The following SHC2 variants were observed in gnomAD, a reference collection of about 807,000 sequenced individuals.
SHC2 encodes the protein SHC adaptor protein 2.
Under a neutral mutation model 60.6 loss-of-function variants are expected in SHC2, and 62 were observed. The ratio of observed to expected loss-of-function variants is 1.02; its 90% CI spans 0.83 to 1.26. The LOEUF is 1.26. Among genes scored for constraint, SHC2 ranks in the 50% most tolerant of loss-of-function variants. SHC2 has a pLI of 0.00. For synonymous variants in SHC2, 375 were observed against 372.4 expected (o/e 1.01, Z -0.08); for missense variants, 873 against 822.2 (o/e 1.06, Z -0.76).
At chr19:458,969 T>A (rs569097205) in intron 1 of SHC2, among the ~76,000 whole-genome samples, 1 of 152,024 alleles carries the variant, frequency 6.6e-6, no homozygotes, top group Admixed American at 6.5e-5. Context: ...CAGGCTTTGG[T>A]GGGCCCGGGC....
In SHC2 at chr19:418,895, CCAGCGACCCACGGCGG is replaced by C; in HGVS notation, c.*5+12_*5+27del. On this transcript the variant is annotated intron_variant, in intron 12 of 12. Transcript: ENST00000264554. ...AAAGAATCTGGCAAAGGAGGCAAGG[CCAGCGACCCACGGCGG>C]CAGCCACACACCTGGCTCAGGGCTC... The C allele has an allele frequency of 6.4e-7, 1 of 1,570,612 alleles. No individual in the cohort carries two copies. The highest frequency in any genetic ancestry group is 8.7e-7 in the Non-Finnish European group (1 of 1,154,300).
At chr19:457,711 CCTGGCGT>C (rs1975383905) in intron 1 of SHC2, among the ~76,000 whole-genome samples, 1 of 152,238 alleles carries the variant, frequency 6.6e-6, no homozygotes, top group Admixed American at 6.5e-5. Flanking sequence ...CCCCAACAAC[CCTGGCGT>C]CTGAATTCTG....
At position 422,513 on chromosome 19, in the gene SHC2, G is replaced by T. The variant is rs1232434981; in HGVS notation, c.1310-57C>A. On this transcript the variant is annotated intron_variant, in intron 10 of 12. Transcript: ENST00000264554. The surrounding 1 kb of genome is among the most constrained non-coding windows in gnomAD (Gnocchi z 5.0). The stretch of plus-strand genomic sequence containing the variant: ...CAGGGGGCAAGCAGCTACTCCTGCC[G>T]GGACCAGAGCTGGGAGAAACGGGTT... 17 of 1,400,074 alleles carry T rather than the reference G, an allele frequency of 1.2e-5. No individual in the cohort carries two copies. The East Asian group carries it at 4.3e-4, about 35-fold the overall frequency. 86.7% of individuals were successfully genotyped at this position (1,400,074 alleles called of 1,614,324 possible).
chr19:444,958 C>T lies in SHC2; in HGVS notation c.469-4026G>A, dbSNP rs374491283. Among the ~76,000 whole-genome samples the T allele has an allele frequency of 9.8e-5, 15 of 152,358 alleles. No individual in the cohort carries two copies. The South Asian group carries it at 1.2e-3, about 13-fold the overall frequency. On this transcript the variant is annotated intron_variant, in intron 1 of 12. Transcript: ENST00000264554. ...GACTGACCTCCTGGGCCACACGGCC[C>T]GCAGAGCTGGGTCCTGAACCCACAC... is the stretch of plus-strand genomic sequence containing the variant.
intron 11 of SHC2, 109 bp from the exon 12 acceptor site, chr19:419,165 G>C: frequency 7.8e-7 from 1 of 1,280,842 alleles, no homozygotes; most frequent in African/African-American, 1.5e-5. Flanking sequence ...TGCCTGCATG[G>C]ACGAGGGGCC....
chr19:426,739 C>A (rs1283821176), intron 9 of SHC2, among the ~76,000 whole-genome samples: 2 of 3,192 alleles, frequency 6.3e-4, no homozygotes, highest in Non-Finnish European at 1.2e-3. Flanking sequence ...GGGAGGACGA[C>A]ACCGAGAGGG....
rs760070481 is a variant in SHC2 at position 419,036 on chromosome 19, C to T, written c.1641G>A (p.Leu547=). The change falls in exon 12 of 13, where the codon CTG becomes CTA. Residue 547 remains leucine, a synonymous_variant. Transcript: ENST00000264554. ...PEGVVRTKDV[L]FESISHLIDH... ...CGATCAGGTGGCTGATGCTCTCAAA[C>T]AGCACGTCCTTCGTCCGTACCTGCG... The T allele has an allele frequency of 1.3e-5, 20 of 1,586,388 alleles. No homozygotes were observed. Among genetic ancestry groups the T allele is most frequent in the Non-Finnish European group, 1.7e-5 (20 of 1,166,618 alleles).
chr19:429,431 G>A (rs929748582), intron 9 of SHC2, among the ~76,000 whole-genome samples: 5 of 148,282 alleles, frequency 3.4e-5, no homozygotes, highest in Non-Finnish European at 7.4e-5. Context: ...CCGTGTGGAT[G>A]ACACAGTATC....
intron 9 of SHC2, among the ~76,000 whole-genome samples, chr19:427,564 GCGCA>G: frequency 7.1e-6 from 1 of 139,972 alleles, no homozygotes; most frequent in African/African-American, 2.7e-5. Context: ...AAGGGGAATT[GCGCA>G]CGGCACAGGG....
rs141202780 is a variant in SHC2 at position 452,186 on chromosome 19, C to T, written c.468+8343G>A. On this transcript the variant is annotated intron_variant, in intron 1 of 12. Transcript: ENST00000264554. ...CGTACTGACTTGGGGGGAATTCCTG[C>T]GTAGGTGTGCGTTTCTCCATTTCAT... 4.8e-3 allele frequency among the ~76,000 whole-genome samples: 725 copies of T among 150,746 alleles called. 4 individuals carry two copies. Among genetic ancestry groups the T allele is most frequent in the Non-Finnish European group, 7.5e-3 (509 of 67,780 alleles).
chr19:441,755 T>C lies in SHC2; in HGVS notation c.469-823A>G, dbSNP rs573526328. Among the ~76,000 whole-genome samples the C allele has an allele frequency of 1.4e-4, 22 of 152,386 alleles. No homozygotes were observed. The highest frequency in any genetic ancestry group is 4.8e-4 in the African/African-American group (20 of 41,590). On this transcript the variant is annotated intron_variant, in intron 1 of 12. Coordinates refer to ENST00000264554, the MANE Select transcript of SHC2 (RefSeq NM_012435.3). This position sits in a 1 kb window ranked among gnomAD's most constrained non-coding sequence, Gnocchi z 4.9. ...CAGAAGGGGTGGTGGCACGATATTA[T>C]GAATGTACGAAATGCTACTGAACTG...
intron 9 of SHC2, among the ~76,000 whole-genome samples, chr19:429,940 A>G (rs910512046): frequency 1.3e-5 from 2 of 148,294 alleles, no homozygotes; most frequent in African/African-American, 5.0e-5. Flanking sequence ...TCTACACCCA[A>G]CGTGCACAGA....
chr19:434,778 C>T lies in SHC2; in HGVS notation c.1041G>A (p.Pro347=), dbSNP rs755755739. The change falls in exon 8 of 13, where the codon CCG becomes CCA. Residue 347 remains proline, a synonymous_variant. Transcript: ENST00000264554. ...TGGAGTCCACTAGCCCGCCCAGCGG[C>T]GGCTCCTTCCCCGGGATGCTGTTGT... ...NYYNSIPGKE[P]PLGGLVDSRL... is the part of the protein sequence containing the mutation. 2.4e-5 allele frequency: 39 copies of T among 1,612,852 alleles called. No homozygotes were observed. The highest frequency in any genetic ancestry group is 6.7e-5 in the Admixed American group (4 of 60,000).
chr19:428,063 C>T lies in SHC2; in HGVS notation c.1174+2621G>A, dbSNP rs539581823. Among the ~76,000 whole-genome samples the T allele has an allele frequency of 3.3e-5, 5 of 152,272 alleles. No individual in the cohort carries two copies. The South Asian group carries it at 8.3e-4, about 25-fold the overall frequency. ...GGGAAACAGTGAGACCTCACCTCCA[C>T]ACAATTTAAAAATGTGCTGGGTGCA... On this transcript the variant is annotated intron_variant, in intron 9 of 12. Coordinates refer to ENST00000264554, the MANE Select transcript of SHC2 (RefSeq NM_012435.3).
At chr19:457,553 G>C (rs1032871697) in intron 1 of SHC2, among the ~76,000 whole-genome samples, 1 of 152,066 alleles carries the variant, frequency 6.6e-6, no homozygotes, top group African/African-American at 2.4e-5. Context: ...TCTTCTGATT[G>C]ACTGTCTCTC....
intron 1 of SHC2, among the ~76,000 whole-genome samples, chr19:447,046 C>G (rs893623975): frequency 2.0e-5 from 3 of 152,228 alleles, no homozygotes; most frequent in African/African-American, 7.2e-5. Flanking sequence ...ATTGCGTTTA[C>G]TTTTTAAAGG....
intron 1 of SHC2, among the ~76,000 whole-genome samples, chr19:442,458 AATGGGTGGGTGG>A (rs1333429057): frequency 1.7e-4 from 10 of 57,982 alleles, no homozygotes; most frequent in African/African-American, 2.1e-4. Context: ...TGGATGGATG[AATGGGTGGGTGG>A]ATGGGTGGGT....
intron 1 of SHC2, among the ~76,000 whole-genome samples, chr19:454,816 G>C (rs1318332538): frequency 6.6e-6 from 1 of 151,008 alleles, no homozygotes; most frequent in Admixed American, 6.6e-5. Context: ...CCATAGAAAT[G>C]CTTCCTCACA....
intron 11 of SHC2, among the ~76,000 whole-genome samples, chr19:421,522 TGAG>T (rs1035874948): frequency 1.3e-5 from 2 of 151,994 alleles, no homozygotes; most frequent in African/African-American, 4.8e-5. Flanking sequence ...CCTTGTAAAT[TGAG>T]ACATACTTTG....
Sources: gnomAD v4.1 joint callset for allele counts (sites outside exome capture counted in the v4.1 genomes callset) on GRCh38, gnomAD v4.1.1 for gene constraint, Gnocchi (gnomAD v3.1) non-coding constraint, MANE v1.5 for transcripts, NCBI Gene and HGNC (gene_info 2026-07-23, HGNC 2026-07-21) for gene names.